Variants in PPARGC1A observed in about 807,000 individuals in gnomAD.
The protein encoded by PPARGC1A is PPARG coactivator 1 alpha.
In PPARGC1A, 25 loss-of-function variants were observed where a neutral mutation model predicts 88.7. The ratio of observed to expected loss-of-function variants is 0.28; its 90% CI spans 0.21 to 0.39. The LOEUF (loss-of-function observed/expected upper bound fraction) is 0.39. Among genes scored for constraint, PPARGC1A ranks in the 10% least tolerant of loss-of-function variants. The pLI, the probability that PPARGC1A is intolerant of heterozygous loss-of-function variation, is 1.00. For missense variants in PPARGC1A, 880 were observed against 968.7 expected, an observed-to-expected ratio of 0.91 and a Z score of 1.22; for synonymous variants, 363 against 355.6, an observed-to-expected ratio of 1.02 and a Z score of -0.24.
intron 2 of PPARGC1A, among the ~76,000 whole-genome samples, chr4:23,842,421 C>T (rs1287541602): frequency 6.6e-6 from 1 of 152,116 alleles, no homozygotes; most frequent in Non-Finnish European, 1.5e-5. Flanking sequence ...ACAAGTCCAA[C>T]TCTATTGATA....
chr4:23,871,029 G>A (rs1189405825), intron 2 of PPARGC1A, among the ~76,000 whole-genome samples: 1 of 150,874 alleles, frequency 6.6e-6, no homozygotes, highest in Non-Finnish European at 1.5e-5. Flanking sequence ...CTGAATCACA[G>A]AAGAAACACA....
the PPARGC1A span, among the ~76,000 whole-genome samples, chr4:24,269,288 T>A: frequency 1.1e-5 from 1 of 90,790 alleles, no homozygotes; most frequent in African/African-American, 4.3e-5. Flanking sequence ...TTCAGGGAAG[T>A]GTTAAGACAA....
At chr4:24,075,643 T>A in the PPARGC1A span, among the ~76,000 whole-genome samples, 2 of 152,114 alleles carry the variant, frequency 1.3e-5, no homozygotes, top group Non-Finnish European at 2.9e-5. Context: ...TTTGCCATGC[T>A]CTTCTCATGA....
the PPARGC1A span, among the ~76,000 whole-genome samples, chr4:24,077,429 AG>A: frequency 6.6e-6 from 1 of 152,130 alleles, no homozygotes; most frequent in Admixed American, 6.6e-5. Context: ...AATGGGAGGC[AG>A]TGGCAGAATA....
the PPARGC1A span, among the ~76,000 whole-genome samples, chr4:24,362,903 A>G: frequency 2.6e-5 from 4 of 152,228 alleles, no homozygotes; most frequent in Non-Finnish European, 4.4e-5. Flanking sequence ...TCAAGCGTGC[A>G]AGAGGCATCA....
chr4:23,899,084 C>CG (rs1491313094), intron 1 of PPARGC1A, among the ~76,000 whole-genome samples: 2 of 4,050 alleles, frequency 4.9e-4, no homozygotes, highest in Non-Finnish European at 1.3e-3. Context: ...TGATGATCCA[C>CG]CCCCCCCCGG....
the PPARGC1A span, among the ~76,000 whole-genome samples, chr4:24,375,589 G>A: frequency 3.9e-5 from 6 of 152,130 alleles, no homozygotes; most frequent in African/African-American, 7.2e-5. Flanking sequence ...ACCAGGCAGC[G>A]CAGTACAAGC....
the PPARGC1A span, among the ~76,000 whole-genome samples, chr4:24,306,749 C>A: frequency 0.053 from 8,073 of 152,186 alleles, 452 homozygotes; most frequent in East Asian, 0.14. Context: ...CCAGATTTGA[C>A]CTGCAGGTCA....
At chr4:23,861,660 T>G (rs1458349207) in intron 2 of PPARGC1A, among the ~76,000 whole-genome samples, 2 of 152,114 alleles carry the variant, frequency 1.3e-5, no homozygotes, top group Non-Finnish European at 2.9e-5. Context: ...ATGGTTTGAC[T>G]CCTTGGTCCA....
intron 12 of PPARGC1A, among the ~76,000 whole-genome samples, 189 bp downstream of exon 12, chr4:23,801,541 T>C (rs546496661): frequency 1.1e-4 from 16 of 152,338 alleles, no homozygotes; most frequent in African/African-American, 3.4e-4. Context: ...ACTTCTGTCC[T>C]TTCTTGCCAA....
chr4:23,818,307 G>A (rs796872146), intron 7 of PPARGC1A, among the ~76,000 whole-genome samples: 10 of 152,254 alleles, frequency 6.6e-5, no homozygotes, highest in East Asian at 1.9e-4. Flanking sequence ...AGGCAGTTCC[G>A]AGCATTGTTA....
At chr4:24,309,409 G>C in the PPARGC1A span, among the ~76,000 whole-genome samples, 1 of 152,164 alleles carries the variant, frequency 6.6e-6, no homozygotes, top group African/African-American at 2.4e-5. Context: ...AAGGGGGATA[G>C]TGTGACTGGA....
intron 2 of PPARGC1A, among the ~76,000 whole-genome samples, chr4:23,861,140 G>A (rs1242085915): frequency 2.0e-5 from 3 of 152,150 alleles, no homozygotes; most frequent in African/African-American, 7.2e-5. Flanking sequence ...GAGTGGTTGA[G>A]AGCACTCTCA....
the PPARGC1A span, among the ~76,000 whole-genome samples, chr4:24,103,157 G>A: frequency 6.6e-6 from 1 of 152,144 alleles, no homozygotes; most frequent in Non-Finnish European, 1.5e-5. Flanking sequence ...TGAGGACACC[G>A]AAGCATGGAA....
At chr4:23,924,643 C>A in the PPARGC1A span, among the ~76,000 whole-genome samples, 1 of 152,206 alleles carries the variant, frequency 6.6e-6, no homozygotes, top group South Asian at 2.1e-4. Context: ...CATTCCATTT[C>A]TTTTCTTAGA....
the PPARGC1A span, among the ~76,000 whole-genome samples, chr4:24,296,846 T>G: frequency 6.6e-6 from 1 of 152,166 alleles, no homozygotes; most frequent in Admixed American, 6.5e-5. Flanking sequence ...AGCTGGTAAA[T>G]AGAGGTGCCA....
At chr4:24,389,832 A>T in the PPARGC1A span, among the ~76,000 whole-genome samples, 1 of 152,258 alleles carries the variant, frequency 6.6e-6, no homozygotes, top group East Asian at 1.9e-4. Flanking sequence ...AAATGACAGG[A>T]TTCCCCACTA....
the PPARGC1A span, among the ~76,000 whole-genome samples, chr4:24,006,356 T>C: frequency 2.0e-3 from 306 of 152,278 alleles, no homozygotes; most frequent in Middle Eastern, 6.8e-3. Flanking sequence ...GCCAGTTTTC[T>C]TTCCATGGGG....
chr4:24,407,159 A>C, the PPARGC1A span, among the ~76,000 whole-genome samples: 1 of 152,186 alleles, frequency 6.6e-6, no homozygotes, highest in African/African-American at 2.4e-5. Context: ...CTACATTATC[A>C]CTTTGGTAGG....
Sources: gnomAD v4.1 joint callset for allele counts (sites outside exome capture counted in the v4.1 genomes callset) on GRCh38, gnomAD v4.1.1 for gene constraint, MANE v1.5 for transcripts, NCBI Gene and HGNC (gene_info 2026-07-23, HGNC 2026-07-21) for gene names.